The following COX10 variants were observed in gnomAD, a reference collection of about 807,000 sequenced individuals.
COX10 encodes the protein protoheme IX farnesyltransferase, mitochondrial.
Under a neutral mutation model 37.3 loss-of-function variants are expected in COX10, and 27 were observed. The observed-to-expected ratio is 0.72, with a 90% confidence interval of 0.53 to 1.00. COX10 has a LOEUF of 1.00. Ranked by LOEUF, COX10 falls within the 50% of genes least tolerant of loss-of-function variation. COX10 has a pLI of 0.00. For synonymous variants in COX10, 222 were observed against 229.1 expected (o/e 0.97, Z 0.28); for missense variants, 475 against 563.2 (o/e 0.84, Z 1.59).
intron 4 of COX10, among the ~76,000 whole-genome samples, chr17:14,126,534 T>C (rs1916345601): frequency 6.6e-6 from 1 of 152,214 alleles, no homozygotes; most frequent in Non-Finnish European, 1.5e-5. Context: ...GTTCAAATTT[T>C]AGTATGGTAT....
At chr17:14,200,374 C>T (rs999483246) in intron 6 of COX10, among the ~76,000 whole-genome samples, 1 of 152,120 alleles carries the variant, frequency 6.6e-6, no homozygotes, top group East Asian at 1.9e-4. Flanking sequence ...ATAGATGCTT[C>T]GAGAGAATAT....
chr17:14,094,238 T>C (rs766006619), intron 3 of COX10, among the ~76,000 whole-genome samples: 7 of 151,908 alleles, frequency 4.6e-5, no homozygotes, highest in Non-Finnish European at 8.8e-5. Context: ...TTATTAGTCC[T>C]GTACTTTATC....
intron 4 of COX10, among the ~76,000 whole-genome samples, chr17:14,103,168 A>G (rs145112625): frequency 1.3e-5 from 2 of 152,258 alleles, no homozygotes; most frequent in East Asian, 1.9e-4. Flanking sequence ...TAGTGCTACC[A>G]CTTTACCAAA....
intron 5 of COX10, among the ~76,000 whole-genome samples, chr17:14,170,373 A>G (rs1034476560): frequency 1.3e-5 from 2 of 152,210 alleles, no homozygotes; most frequent in Admixed American, 6.5e-5. Context: ...ACAAATTTTT[A>G]TGTAATAAAT....
At chr17:14,195,966 A>G (rs1277073004) in intron 6 of COX10, among the ~76,000 whole-genome samples, 1 of 152,042 alleles carries the variant, frequency 6.6e-6, no homozygotes, top group Non-Finnish European at 1.5e-5. Context: ...GGTGTCATTT[A>G]TATTATTCAC....
At chr17:14,084,704 A>C (rs886934762) in intron 3 of COX10, among the ~76,000 whole-genome samples, 2 of 152,156 alleles carry the variant, frequency 1.3e-5, no homozygotes, top group African/African-American at 4.8e-5. Flanking sequence ...CTTGTCACCC[A>C]GTCTGGAGTG....
intron 4 of COX10, among the ~76,000 whole-genome samples, chr17:14,103,901 GA>G (rs1915837540): frequency 6.6e-6 from 1 of 152,166 alleles, no homozygotes; most frequent in Non-Finnish European, 1.5e-5. Context: ...AAATACGGGG[GA>G]AAGCCACAGA....
chr17:14,200,452 C>T (rs1906513205), intron 6 of COX10, among the ~76,000 whole-genome samples: 1 of 152,188 alleles, frequency 6.6e-6, no homozygotes, highest in African/African-American at 2.4e-5. Flanking sequence ...CCTAATACAG[C>T]CCTCTAATCA....
At chr17:14,125,639 A>T (rs1298967262) in intron 4 of COX10, among the ~76,000 whole-genome samples, 1 of 152,116 alleles carries the variant, frequency 6.6e-6, no homozygotes, top group African/African-American at 2.4e-5. Context: ...ATTCATCTTT[A>T]TTGTATGTTC....
intron 3 of COX10, among the ~76,000 whole-genome samples, chr17:14,101,620 C>A (rs941351205): frequency 1.3e-5 from 2 of 152,132 alleles, no homozygotes; most frequent in African/African-American, 4.8e-5. Flanking sequence ...ATTCTCTGAC[C>A]GCTGGGACCA....
intron 3 of COX10, among the ~76,000 whole-genome samples, chr17:14,087,701 T>A (rs1223205324): frequency 1.3e-5 from 2 of 151,680 alleles, no homozygotes; most frequent in Non-Finnish European, 2.9e-5. Flanking sequence ...TTTTTTTTTT[T>A]AAACCATGTC....
At chr17:14,202,059 G>T (rs1328223278) in intron 6 of COX10, among the ~76,000 whole-genome samples, 1 of 149,340 alleles carries the variant, frequency 6.7e-6, no homozygotes, top group Non-Finnish European at 1.5e-5. Flanking sequence ...ATGCCTTCTA[G>T]TTGATAGTTT....
intron 4 of COX10, among the ~76,000 whole-genome samples, chr17:14,154,972 T>G (rs1231749157): frequency 3.3e-5 from 5 of 152,188 alleles, no homozygotes; most frequent in Non-Finnish European, 5.9e-5. Context: ...TTGAATAACT[T>G]TCAAAGAATT....
At chr17:14,204,697 C>G (rs554441972) in intron 6 of COX10, among the ~76,000 whole-genome samples, 1 of 152,090 alleles carries the variant, frequency 6.6e-6, no homozygotes, top group African/African-American at 2.4e-5. Context: ...TCCCCTCACC[C>G]CCTACACACA....
intron 3 of COX10, among the ~76,000 whole-genome samples, chr17:14,090,827 C>G (rs1049312857): frequency 1.3e-5 from 2 of 152,166 alleles, no homozygotes; most frequent in Admixed American, 1.3e-4. Context: ...TGCCTGTTCA[C>G]TTTTCTGAAT....
chr17:14,138,505 G>GT (rs1294735806), intron 4 of COX10, among the ~76,000 whole-genome samples: 2 of 151,966 alleles, frequency 1.3e-5, no homozygotes, highest in Non-Finnish European at 2.9e-5. Flanking sequence ...CCAGAGTAAT[G>GT]TTTTTTTAAG....
At chr17:14,171,401 C>G (rs572991769) in intron 5 of COX10, among the ~76,000 whole-genome samples, 153 of 151,974 alleles carry the variant, frequency 1.0e-3, no homozygotes, top group African/African-American at 3.5e-3. Context: ...GGTGCTCGAC[C>G]CTGGAGGTGC....
chr17:14,106,561 A>T (rs527873458), intron 4 of COX10, among the ~76,000 whole-genome samples: 6 of 152,372 alleles, frequency 3.9e-5, no homozygotes, highest in African/African-American at 1.4e-4. Context: ...AACTACTTCA[A>T]GTAAAACTAA....
chr17:14,080,516 A>C (rs971773688), intron 3 of COX10, among the ~76,000 whole-genome samples: 50 of 152,308 alleles, frequency 3.3e-4, no homozygotes, highest in Non-Finnish European at 4.1e-4. Flanking sequence ...CCCGGCCAGC[A>C]TTTGGGAATT....
Sources: allele counts gnomAD v4.1 joint callset (sites outside exome capture counted in the v4.1 genomes callset), GRCh38; gene constraint gnomAD v4.1.1; transcripts MANE v1.5; gene names NCBI Gene and HGNC (gene_info 2026-07-23, HGNC 2026-07-21).